Variants in CDH4 observed in about 807,000 individuals in gnomAD.
CDH4 encodes the protein cadherin 4, also known as cadherin-4.
CDH4 carries 33 observed loss-of-function variants against 86.0 expected under a neutral mutation model. The observed-to-expected ratio is 0.38, with a 90% CI of 0.29 to 0.51. The LOEUF (loss-of-function observed/expected upper bound fraction) is 0.51. Ranked by LOEUF, CDH4 falls within the 20% of genes least tolerant of loss-of-function variation. CDH4 has a pLI of 0.86. For missense variants in CDH4, 1,114 were observed against 1,307.4 expected, an observed-to-expected ratio of 0.85 and a Z score of 2.28; for synonymous variants, 555 against 549.4, an observed-to-expected ratio of 1.01 and a Z score of -0.14.
At chr20:61,693,880 CTTTCTT>C (rs2087687581) in intron 2 of CDH4, among the ~76,000 whole-genome samples, 4 of 121,004 alleles carry the variant, frequency 3.3e-5, no homozygotes, top group African/African-American at 9.3e-5. Flanking sequence ...GACACTCTTT[CTTTCTT>C]TTTTTTTTTT....
chr20:61,651,619 GC>G (rs1402949764), intron 2 of CDH4, among the ~76,000 whole-genome samples: 1 of 152,214 alleles, frequency 6.6e-6, no homozygotes, highest in African/African-American at 2.4e-5. Context: ...CAGGCAGGCG[GC>G]CCCACCTCGC....
intron 2 of CDH4, among the ~76,000 whole-genome samples, chr20:61,578,286 A>G (rs1183199345): frequency 6.6e-6 from 1 of 152,196 alleles, no homozygotes; most frequent in Non-Finnish European, 1.5e-5. Flanking sequence ...CTGGGGGGGA[A>G]TGACACACTG....
intron 4 of CDH4, among the ~76,000 whole-genome samples, chr20:61,814,999 C>T (rs1296974361): frequency 6.6e-6 from 1 of 152,284 alleles, no homozygotes; most frequent in Non-Finnish European, 1.5e-5. Context: ...GGGAGGCACC[C>T]CTCAAAATGA....
At chr20:61,326,444 A>T (rs2084537371) in intron 2 of CDH4, among the ~76,000 whole-genome samples, 1 of 152,248 alleles carries the variant, frequency 6.6e-6, no homozygotes, top group Non-Finnish European at 1.5e-5. Context: ...TAGTCTAGCC[A>T]GAGGAGGATA....
intron 2 of CDH4, among the ~76,000 whole-genome samples, chr20:61,483,236 G>A (rs942634129): frequency 6.6e-6 from 1 of 152,148 alleles, no homozygotes; most frequent in Non-Finnish European, 1.5e-5. Context: ...GAGTGGTTTA[G>A]CACCTGGATC....
At chr20:61,546,854 G>A (rs1187635518) in intron 2 of CDH4, among the ~76,000 whole-genome samples, 1 of 152,188 alleles carries the variant, frequency 6.6e-6, no homozygotes, top group African/African-American at 2.4e-5. Flanking sequence ...TAATCCTTTA[G>A]TGAGCCACTG....
intron 2 of CDH4, among the ~76,000 whole-genome samples, chr20:61,524,476 A>G (rs2026023): frequency 0.27 from 40,700 of 150,640 alleles, 5,597 homozygotes; most frequent in African/African-American, 0.32. Flanking sequence ...TGCAACTTCT[A>G]TGAATATTAC....
At chr20:61,391,801 C>G (rs2084987757) in intron 2 of CDH4, among the ~76,000 whole-genome samples, 1 of 152,180 alleles carries the variant, frequency 6.6e-6, no homozygotes, top group African/African-American at 2.4e-5. Flanking sequence ...ATTACCTGCC[C>G]TGCATCCAAT....
chr20:61,844,402 G>C (rs1982329575), intron 4 of CDH4, among the ~76,000 whole-genome samples: 1 of 151,792 alleles, frequency 6.6e-6, no homozygotes, highest in Admixed American at 6.6e-5. Context: ...TCTGTGCTGT[G>C]GATGTCTGCC....
intron 2 of CDH4, among the ~76,000 whole-genome samples, chr20:61,331,626 TCCTG>T (rs2084575971): frequency 5.6e-5 from 2 of 35,410 alleles, no homozygotes; most frequent in Non-Finnish European, 5.7e-5. Context: ...CAGGCCCACC[TCCTG>T]CCCCAGACCC....
chr20:61,613,990 A>G (rs2086706144), intron 2 of CDH4, among the ~76,000 whole-genome samples: 1 of 152,076 alleles, frequency 6.6e-6, no homozygotes. Flanking sequence ...TCTGGTGCAG[A>G]TGTTCGTCCT....
At chr20:61,697,335 C>T (rs1159334335) in intron 2 of CDH4, among the ~76,000 whole-genome samples, 1 of 152,180 alleles carries the variant, frequency 6.6e-6, no homozygotes, top group African/African-American at 2.4e-5. Context: ...CACAGTGGCT[C>T]ACGCCTGTAA....
chr20:61,415,313 G>C (rs963401009), intron 2 of CDH4, among the ~76,000 whole-genome samples: 1 of 152,122 alleles, frequency 6.6e-6, no homozygotes, highest in Non-Finnish European at 1.5e-5. Flanking sequence ...AAATGTCTTA[G>C]TGGCCATGTT....
intron 2 of CDH4, among the ~76,000 whole-genome samples, chr20:61,478,818 C>T (rs892266913): frequency 2.6e-5 from 4 of 152,234 alleles, no homozygotes; most frequent in Non-Finnish European, 5.9e-5. Flanking sequence ...GCTGGCCATT[C>T]GTTCGTGTGG....
At chr20:61,919,453 T>G (rs1294455134) in intron 9 of CDH4, among the ~76,000 whole-genome samples, 3 of 152,200 alleles carry the variant, frequency 2.0e-5, no homozygotes, top group African/African-American at 7.2e-5. Flanking sequence ...GCCCTCAGCT[T>G]ATGAAGCTCC....
At chr20:61,524,841 AT>A (rs2085898949) in intron 2 of CDH4, among the ~76,000 whole-genome samples, 2 of 152,214 alleles carry the variant, frequency 1.3e-5, no homozygotes, top group Admixed American at 6.5e-5. Flanking sequence ...CATTCATTAG[AT>A]AATACCATTG....
At chr20:61,844,170 C>T (rs1982315983) in intron 4 of CDH4, among the ~76,000 whole-genome samples, 1 of 152,220 alleles carries the variant, frequency 6.6e-6, no homozygotes, top group South Asian at 2.1e-4. Context: ...CTTTCCATTT[C>T]CTCCCCCAGT....
chr20:61,338,832 A>G (rs1050375565), intron 2 of CDH4, among the ~76,000 whole-genome samples: 1 of 152,246 alleles, frequency 6.6e-6, no homozygotes, highest in Non-Finnish European at 1.5e-5. Flanking sequence ...AGAAAGTTCC[A>G]TCATTCATTT....
Position 61,664,843 on chromosome 20 carries a change from C to G in CDH4, c.170-78720C>G, listed in dbSNP as rs1284282376. On this transcript the variant is annotated intron_variant, in intron 2 of 15. Coordinates refer to ENST00000614565, the MANE Select transcript of CDH4 (RefSeq NM_001794.5). ...ATAATCTGTTGCTCTAATGTGGCGT[C>G]TTGGTGTCCACAATTTAGACCAATC... Among the ~76,000 whole-genome samples the G allele has an allele frequency of 2.0e-5, 3 of 152,232 alleles. No homozygotes were observed. In the East Asian group the frequency reaches 5.8e-4, roughly 29 times the overall value.
Sources: allele counts gnomAD v4.1 joint callset (sites outside exome capture counted in the v4.1 genomes callset), GRCh38; gene constraint gnomAD v4.1.1; transcripts MANE v1.5; gene names NCBI Gene and HGNC (gene_info 2026-07-23, HGNC 2026-07-21).